The following PCDH17 variants were observed in gnomAD, a reference collection of about 807,000 sequenced individuals.
PCDH17 encodes the protein protocadherin-17.
PCDH17 carries 21 observed loss-of-function variants against 67.7 expected under a neutral mutation model. The ratio of observed to expected loss-of-function variants is 0.31; its 90% CI spans 0.22 to 0.45. The LOEUF (loss-of-function observed/expected upper bound fraction) is 0.45. Ranked by LOEUF, PCDH17 falls within the 20% of genes least tolerant of loss-of-function variation. The pLI, the probability that PCDH17 is intolerant of heterozygous loss-of-function variation, is 1.00. For missense variants in PCDH17, 1,471 were observed against 1,564.8 expected, an observed-to-expected ratio of 0.94 and a Z score of 1.01; for synonymous variants, 701 against 656.7, an observed-to-expected ratio of 1.07 and a Z score of -1.03.
Position 57,633,243 on chromosome 13 carries a change from G to A in PCDH17, c.697G>A (p.Val233Met). The A allele has an allele frequency of 1.2e-6, 2 of 1,613,300 alleles. No homozygotes were observed. The highest frequency in any genetic ancestry group is 2.2e-5 in the East Asian group (1 of 44,806). ...CGCCACCGTACAGATCAACGTGAAG[G>A]TGATTGACTCCAACGACAACAGCCC... ...RSATVQINVKVIDSNDNSPVF... is the reference protein window; with the variant it reads ...RSATVQINVKMIDSNDNSPVF... The change falls in exon 1 of 4, where the codon GTG (valine) becomes ATG (methionine). Residue 233 changes from valine to methionine, a missense_variant. This residue lies in a region of PCDH17 where 1,163 missense variants were observed against 1,230.0 expected (regional missense o/e 0.95). Transcript: ENST00000377918. The surrounding 1 kb of genome is among the most constrained non-coding windows in gnomAD (Gnocchi z 6.2).
chr13:57,654,134 G>T (rs1955075877), intron 1 of PCDH17, among the ~76,000 whole-genome samples: 1 of 151,948 alleles, frequency 6.6e-6, no homozygotes, highest in African/African-American at 2.4e-5. Context: ...TAATTATATG[G>T]TTAAGAACCT....
chr13:57,725,536 G>T lies in PCDH17; in HGVS notation c.*242G>T. On this transcript the variant is annotated 3_prime_UTR_variant, in exon 4 of 4. Transcript: ENST00000377918. ...GGACAGAATTAATGATGCTTAAAGA[G>T]AAAAGAAAAAAAGAGAGAAGAAAAA... The T allele has an allele frequency of 1.0e-5, 4 of 399,536 alleles. No homozygotes were observed. Among genetic ancestry groups the T allele is most frequent in the Non-Finnish European group, 1.8e-5 (4 of 225,372 alleles). 24.7% of individuals were successfully genotyped at this position (399,536 alleles called of 1,614,324 possible).
rs773617874 is a variant in PCDH17 at position 57,635,085 on chromosome 13, C to A, written c.2539C>A (p.Pro847Thr). The A allele has an allele frequency of 1.2e-6, 2 of 1,613,488 alleles. No homozygotes were observed. The highest frequency in any genetic ancestry group is 1.7e-6 in the Non-Finnish European group (2 of 1,179,970). Residue 847 changes from proline (P) to threonine (T), a missense_variant, in exon 1 of 4, where the codon CCT becomes ACT. Pro to Thr is a conservative substitution (Grantham distance 38). This residue lies in a region of PCDH17 where 1,163 missense variants were observed against 1,230.0 expected (regional missense o/e 0.95). Transcript: ENST00000377918. ...ACAAGGGACTAATGCAAGCGAGACC[C>A]CTGCCACTCGGATGTCCATAATTCA... ...TGQGTNASET[P>T]ATRMSIIQTD... is the part of the protein sequence containing the mutation.
At chr13:57,698,036 G>A (rs1203526623) in intron 3 of PCDH17, among the ~76,000 whole-genome samples, 1 of 151,522 alleles carries the variant, frequency 6.6e-6, no homozygotes. Flanking sequence ...TTCAATGATA[G>A]TGAAAATTCA....
Position 57,633,547 on chromosome 13 carries a change from A to G in PCDH17, c.1001A>G (p.His334Arg), listed in dbSNP as rs1335429977. 1 of 1,613,780 alleles carries G rather than the reference A, an allele frequency of 6.2e-7. No individual in the cohort carries two copies. Among genetic ancestry groups the G allele is most frequent in the South Asian group, 1.1e-5 (1 of 91,076 alleles). ...CTGGGGCCTAACCCTATCCCAGCCC[A>G]CTGCAAAGTCACGGTCAAGCTCATC... is the stretch of plus-strand genomic sequence containing the variant. The part of the protein sequence containing the change: ...RDLGPNPIPA[H>R]CKVTVKLIDR... The change falls in exon 1 of 4, where the codon CAC becomes CGC. Residue 334 changes from histidine to arginine, a missense_variant. Physicochemically the swap from His to Arg is conservative, Grantham distance 29 (BLOSUM62 0). This residue lies in a region of PCDH17 where 1,163 missense variants were observed against 1,230.0 expected (regional missense o/e 0.95). Coordinates refer to ENST00000377918, the MANE Select transcript of PCDH17 (RefSeq NM_001040429.3). This position sits in a 1 kb window ranked among gnomAD's most constrained non-coding sequence, Gnocchi z 6.2.
intron 3 of PCDH17, among the ~76,000 whole-genome samples, chr13:57,693,323 TATA>T (rs1269799932): frequency 7.2e-6 from 1 of 139,578 alleles, no homozygotes; most frequent in Non-Finnish European, 1.6e-5. Flanking sequence ...TTCATATATA[TATA>T]TATATATATA....
chr13:57,647,702 G>T (rs1027173150), intron 1 of PCDH17, among the ~76,000 whole-genome samples: 1 of 151,758 alleles, frequency 6.6e-6, no homozygotes, highest in African/African-American at 2.4e-5. Flanking sequence ...ATTTAGGCTT[G>T]AGTATATATT....
Position 57,725,369 on chromosome 13 carries a change from A to T in PCDH17, c.*75A>T. On this transcript the variant is annotated 3_prime_UTR_variant, in exon 4 of 4. Transcript: ENST00000377918. ...TTAAAAATGATCCCTCCTGGTGATA[A>T]CCCATTTTACAGGGATGAAGAAAGA... The T allele has an allele frequency of 7.5e-7, 1 of 1,330,548 alleles. No individual in the cohort carries two copies. The highest frequency in any genetic ancestry group is 2.0e-4 in the Middle Eastern group (1 of 4,996). The allele number at this position is 1,330,548 out of a possible 1,614,324, so 82.4% of individuals were successfully genotyped here.
At chr13:57,717,191 T>C (rs1026811564) in intron 3 of PCDH17, among the ~76,000 whole-genome samples, 6 of 152,070 alleles carry the variant, frequency 3.9e-5, no homozygotes, top group Admixed American at 3.3e-4. Flanking sequence ...TGGCTGTGCC[T>C]ACAGAAGGGA....
At chr13:57,685,401 A>G (rs751349230) in intron 3 of PCDH17, among the ~76,000 whole-genome samples, 1 of 151,972 alleles carries the variant, frequency 6.6e-6, no homozygotes, top group Non-Finnish European at 1.5e-5. Flanking sequence ...TTGAGTCAAC[A>G]GCTATTTGTG....
chr13:57,658,728 A>G (rs1001202602), intron 1 of PCDH17, among the ~76,000 whole-genome samples: 2 of 152,068 alleles, frequency 1.3e-5, no homozygotes, highest in Non-Finnish European at 2.9e-5. Flanking sequence ...AGAGAAAGCC[A>G]AGAGGACTTC....
chr13:57,704,197 T>C (rs1313281806), intron 3 of PCDH17, among the ~76,000 whole-genome samples: 2 of 152,220 alleles, frequency 1.3e-5, no homozygotes, highest in East Asian at 3.9e-4. Flanking sequence ...CCTGTCAGTG[T>C]GCCATTTTGT....
In PCDH17 at chr13:57,724,658, T is replaced by C. The variant is rs1955897658; in HGVS notation, c.2844T>C (p.Gly948=). ...VNCTDECRVL[G]HSDRCWMPQF... ...GCACAGATGAATGCCGAGTGCTTGG[T>C]CATTCTGACAGGTGCTGGATGCCAC... The change falls in exon 4 of 4, where the codon GGT becomes GGC. Residue 948 remains glycine (G), a synonymous_variant. Transcript: ENST00000377918. 1 of 1,613,872 alleles carries C rather than the reference T, an allele frequency of 6.2e-7. No homozygotes were observed. Among genetic ancestry groups the C allele is most frequent in the South Asian group, 1.1e-5 (1 of 91,082 alleles).
In PCDH17 at chr13:57,634,079, C is replaced by A; in HGVS notation, c.1533C>A (p.Ile511=). The change falls in exon 1 of 4, where the codon ATC becomes ATA. Residue 511 remains isoleucine (I), a synonymous_variant. Transcript: ENST00000377918. This position sits in a 1 kb window ranked among gnomAD's most constrained non-coding sequence, Gnocchi z 7.8. ...AGAACGGCACCGTATCCTACTCTAT[C>A]CTGCCCTCGCACATCGGCGACGTGT... is the stretch of plus-strand genomic sequence containing the variant. ...LGQNGTVSYS[I]LPSHIGDVSI... is the part of the protein sequence containing the mutation. The A allele has an allele frequency of 1.9e-6, 3 of 1,613,522 alleles. No homozygotes were observed. The highest frequency in any genetic ancestry group is 2.5e-6 in the Non-Finnish European group (3 of 1,180,034).
In PCDH17 at chr13:57,724,649, A is replaced by T; in HGVS notation, c.2835A>T (p.Arg945=). The T allele has an allele frequency of 6.2e-7, 1 of 1,613,898 alleles. No individual in the cohort carries two copies. Among genetic ancestry groups the T allele is most frequent in the South Asian group, 1.1e-5 (1 of 91,080 alleles). ...GTGTTAATTGCACAGATGAATGCCG[A>T]GTGCTTGGTCATTCTGACAGGTGCT... ...EECVNCTDEC[R]VLGHSDRCWM... The change falls in exon 4 of 4, where the codon CGA becomes CGT. Residue 945 remains arginine, a synonymous_variant. Coordinates refer to ENST00000377918, the MANE Select transcript of PCDH17 (RefSeq NM_001040429.3).
At chr13:57,698,782 G>C (rs946365180) in intron 3 of PCDH17, among the ~76,000 whole-genome samples, 4 of 151,930 alleles carry the variant, frequency 2.6e-5, no homozygotes, top group Admixed American at 2.6e-4. Context: ...GCCTTTCAGA[G>C]TGAAAGAACT....
In PCDH17 at chr13:57,724,769, G is replaced by T; in HGVS notation, c.2955G>T (p.Glu985Asp). 6.2e-7 allele frequency: 1 copy of T among 1,614,140 alleles called. No homozygotes were observed. The highest frequency in any genetic ancestry group is 8.5e-7 in the Non-Finnish European group (1 of 1,179,996). ...CAGTTGAAGCTAATGTTGAGACTGA[G>T]ACTTACGAAACTGTGAATCCCACTG... Reference protein sequence around the residue: ...VPTVEANVETETYETVNPTGK... With the variant: ...VPTVEANVETDTYETVNPTGK... The change falls in exon 4 of 4, where the codon GAG (glutamate) becomes GAT (aspartate). Residue 985 changes from glutamate (E) to aspartate (D), a missense_variant. Transcript: ENST00000377918.
At chr13:57,639,105 G>A (rs1220198897) in intron 1 of PCDH17, among the ~76,000 whole-genome samples, 1 of 151,690 alleles carries the variant, frequency 6.6e-6, no homozygotes, top group Non-Finnish European at 1.5e-5. Flanking sequence ...TAGGCATTCT[G>A]GTATCTTGAG....
chr13:57,704,906 A>G (rs1282549097), intron 3 of PCDH17, among the ~76,000 whole-genome samples: 1 of 152,062 alleles, frequency 6.6e-6, no homozygotes, highest in African/African-American at 2.4e-5. Context: ...ATAAGTACAT[A>G]TACATTATAT....
Sources: allele counts gnomAD v4.1 joint callset (sites outside exome capture counted in the v4.1 genomes callset), GRCh38; gene constraint gnomAD v4.1.1; regional missense constraint gnomAD v4.1.1; non-coding constraint Gnocchi (gnomAD v3.1); transcripts MANE v1.5; gene names NCBI Gene and HGNC (gene_info 2026-07-23, HGNC 2026-07-21).